Variants in MSR1 observed in about 807,000 individuals in gnomAD.
MSR1 encodes the protein macrophage scavenger receptor 1.
A neutral mutation model predicts 47.2 loss-of-function variants in MSR1; 53 were observed. That is an observed-to-expected ratio of 1.12 (90% confidence interval 0.90 to 1.41). The LOEUF (loss-of-function observed/expected upper bound fraction) is 1.41. MSR1 is among the 40% of genes most tolerant of loss of function. The pLI is 0.00. For missense variants in MSR1, 786 were observed against 546.9 expected, an observed-to-expected ratio of 1.44 and a Z score of -4.36; for synonymous variants, 239 against 185.6, an observed-to-expected ratio of 1.29 and a Z score of -2.34.
chr8:16,143,302 G>T (rs1030083003), intron 8 of MSR1, among the ~76,000 whole-genome samples: 2 of 152,028 alleles, frequency 1.3e-5, no homozygotes, highest in Admixed American at 1.3e-4. Flanking sequence ...AATTTTCTTT[G>T]TGGAATTTTT....
At chr8:16,133,030 T>C (rs1443190503) in intron 8 of MSR1, among the ~76,000 whole-genome samples, 3 of 152,314 alleles carry the variant, frequency 2.0e-5, no homozygotes, top group Admixed American at 6.5e-5. Flanking sequence ...GAGATCATCA[T>C]GTAGTTTTTG....
At chr8:16,181,138 C>G (rs1042590467) in intron 1 of MSR1, among the ~76,000 whole-genome samples, 1 of 152,058 alleles carries the variant, frequency 6.6e-6, no homozygotes, top group African/African-American at 2.4e-5. Flanking sequence ...AAAAAACTGA[C>G]ATGACAATAA....
chr8:16,143,288 G>A (rs1401370932), intron 8 of MSR1, among the ~76,000 whole-genome samples: 1 of 152,006 alleles, frequency 6.6e-6, no homozygotes, highest in Non-Finnish European at 1.5e-5. Context: ...CTTGAAAATT[G>A]AACAATTTTC....
chr8:16,123,676 T>C (rs1034227141), intron 8 of MSR1, among the ~76,000 whole-genome samples: 5 of 151,574 alleles, frequency 3.3e-5, no homozygotes, highest in African/African-American at 9.7e-5. Flanking sequence ...CAGATAAGCA[T>C]AGACTATGTG....
chr8:16,138,331 C>G (rs564625514), intron 8 of MSR1, among the ~76,000 whole-genome samples: 1 of 152,108 alleles, frequency 6.6e-6, no homozygotes, highest in African/African-American at 2.4e-5. Context: ...ATCACTCTTC[C>G]GCGTTAAGGT....
intron 1 of MSR1, among the ~76,000 whole-genome samples, chr8:16,190,047 G>A (rs572800109): frequency 3.5e-4 from 52 of 150,608 alleles, no homozygotes; most frequent in African/African-American, 9.5e-4. Flanking sequence ...CCCGAGTAGC[G>A]GGATTATAGG....
At position 16,165,826 on chromosome 8, in the gene MSR1, T is replaced by A. The variant is rs1484258825; in HGVS notation, c.631-1575A>T. Among the ~76,000 whole-genome samples, 4 of 152,108 alleles carry A rather than the reference T, an allele frequency of 2.6e-5. No individual in the cohort carries two copies. The East Asian group carries it at 7.7e-4, about 29-fold the overall frequency. ...TACTGAAGCAGAGAGACTTACCAGC[T>A]TTTATTGCTCTAACTGTGCCTTCTC... On this transcript the variant is annotated intron_variant, in intron 4 of 9. Transcript: ENST00000262101.
At chr8:16,142,025 C>G (rs563053729) in intron 8 of MSR1, among the ~76,000 whole-genome samples, 1 of 151,946 alleles carries the variant, frequency 6.6e-6, no homozygotes, top group Non-Finnish European at 1.5e-5. Context: ...AGAAGTAAGT[C>G]GAGTAAAAAG....
intron 5 of MSR1, among the ~76,000 whole-genome samples, chr8:16,161,398 T>G (rs955068961): frequency 2.6e-5 from 4 of 151,948 alleles, no homozygotes; most frequent in Admixed American, 2.6e-4. Context: ...GCTTCGGACA[T>G]TTATTTGAAA....
At chr8:16,180,106 G>C (rs139188976) in intron 1 of MSR1, among the ~76,000 whole-genome samples, 3 of 133,806 alleles carry the variant, frequency 2.2e-5, no homozygotes, top group African/African-American at 8.7e-5. Context: ...CTCTCTGTCT[G>C]TCTCTCTCTC....
intron 8 of MSR1, among the ~76,000 whole-genome samples, chr8:16,123,577 CAT>C (rs1800057364): frequency 2.2e-5 from 1 of 45,084 alleles, no homozygotes; most frequent in Admixed American, 3.2e-4. Context: ...TTTCAGAAGA[CAT>C]GTATATGTGT....
intron 4 of MSR1, among the ~76,000 whole-genome samples, chr8:16,165,842 G>A (rs892553594): frequency 6.6e-6 from 1 of 151,998 alleles, no homozygotes; most frequent in Admixed American, 6.6e-5. Flanking sequence ...TGCTCTAACT[G>A]TGCCTTCTCC....
intron 9 of MSR1, among the ~76,000 whole-genome samples, chr8:16,116,243 G>A (rs1799874162): frequency 6.6e-6 from 1 of 152,146 alleles, no homozygotes; most frequent in African/African-American, 2.4e-5. Context: ...AAATCTGCCA[G>A]GTCAGTATTA....
At chr8:16,146,306 C>G (rs972282515) in intron 7 of MSR1, among the ~76,000 whole-genome samples, 3 of 152,134 alleles carry the variant, frequency 2.0e-5, no homozygotes, top group African/African-American at 7.2e-5. Flanking sequence ...CCTCTGTCTT[C>G]AGCCACTCCT....
rs777693258 is a variant in MSR1, at chr8:16,168,465, T to C, written c.623A>G (p.Gln208Arg). 6.5e-5 allele frequency: 105 copies of C among 1,614,032 alleles called. No homozygotes were observed. Among genetic ancestry groups the C allele is most frequent in the Non-Finnish European group, 8.5e-5 (100 of 1,180,014 alleles). ...CAGTCCACAAACTCTTACCTCTTGT[T>C]GTTTGAAGGTATTCTCTTGGATTTT... ...NGKIQENTFK[Q>R]QEEISKLEER... Residue 208 changes from glutamine to arginine, a missense_variant, in exon 4 of 10, where the codon CAA becomes CGA. Transcript: ENST00000262101.
chr8:16,166,930 C>A (rs886461637), intron 4 of MSR1, among the ~76,000 whole-genome samples: 1 of 108,806 alleles, frequency 9.2e-6, no homozygotes, highest in South Asian at 3.6e-4. Context: ...TCAGTGTACA[C>A]AGGAGTACAC....
chr8:16,144,187 A>G (rs1183062318), intron 7 of MSR1, among the ~76,000 whole-genome samples: 2 of 152,058 alleles, frequency 1.3e-5, no homozygotes, highest in Non-Finnish European at 2.9e-5. Flanking sequence ...CAAATATTTC[A>G]TATGAGGGTC....
intron 8 of MSR1, among the ~76,000 whole-genome samples, chr8:16,132,707 A>T (rs1365542686): frequency 2.6e-5 from 4 of 151,900 alleles, no homozygotes; most frequent in Non-Finnish European, 5.9e-5. Flanking sequence ...CTGGTCTGGA[A>T]CTCCTTACCT....
At chr8:16,163,408 A>C (rs1034986809) in intron 5 of MSR1, among the ~76,000 whole-genome samples, 1 of 151,752 alleles carries the variant, frequency 6.6e-6, no homozygotes, top group Non-Finnish European at 1.5e-5. Flanking sequence ...AAATACATGC[A>C]AATGGTTGAA....
Sources: allele counts gnomAD v4.1 joint callset (sites outside exome capture counted in the v4.1 genomes callset), GRCh38; gene constraint gnomAD v4.1.1; transcripts MANE v1.5; gene names NCBI Gene and HGNC (gene_info 2026-07-23, HGNC 2026-07-21).